Variants in PPP1R12A observed in about 807,000 individuals in gnomAD.
The protein encoded by PPP1R12A is myosin binding subunit.
Under a neutral mutation model 139.6 loss-of-function variants are expected in PPP1R12A, and 19 were observed. The ratio of observed to expected loss-of-function variants is 0.14; its 90% CI spans 0.09 to 0.20. The LOEUF is 0.20. PPP1R12A is among the 10% of genes least tolerant of loss of function. The pLI, the probability that PPP1R12A is intolerant of heterozygous loss-of-function variation, is 1.00. For synonymous variants in PPP1R12A, 427 were observed against 420.6 expected (o/e 1.02, Z -0.19); for missense variants, 925 against 1,211.5 (o/e 0.76, Z 3.51).
chr12:79,890,893 ACCCACACCCACC>A (rs1444003781), intron 1 of PPP1R12A, among the ~76,000 whole-genome samples: 1,218 of 99,148 alleles, frequency 0.012, 24 homozygotes, highest in African/African-American at 0.045. Context: ...CACACCACCC[ACCCACACCCACC>A]CACACACACA....
At chr12:79,870,689 C>T (rs1882479253) in intron 2 of PPP1R12A, among the ~76,000 whole-genome samples, 1 of 152,162 alleles carries the variant, frequency 6.6e-6, no homozygotes, top group Non-Finnish European at 1.5e-5. Context: ...TTTGTTTGCA[C>T]AAGTCCTGTA....
At chr12:79,820,343 A>G (rs1373939468) in intron 8 of PPP1R12A, among the ~76,000 whole-genome samples, 1 of 152,116 alleles carries the variant, frequency 6.6e-6, no homozygotes, top group Non-Finnish European at 1.5e-5. Flanking sequence ...AAACAAAGCA[A>G]ATTCCCCCAC....
At position 79,774,921 on chromosome 12, in the gene PPP1R12A, T is replaced by G. The variant is rs1869574293; in HGVS notation, c.*1008A>C. ...AAAGCACTTTACAGTAGGAAACTTT[T>G]GTAAAGATAGGGCTCCACATAATGT... On this transcript the variant is annotated 3_prime_UTR_variant, in exon 25 of 25. Coordinates refer to ENST00000450142, the MANE Select transcript of PPP1R12A (RefSeq NM_002480.3). 6.8e-6 allele frequency: 1 copy of G among 147,244 alleles called. No homozygotes were observed. The highest frequency in any genetic ancestry group is 2.7e-5 in the African/African-American group (1 of 36,608). The allele number at this position is 147,244 out of a possible 1,614,324, so 9.1% of individuals were successfully genotyped here.
intron 1 of PPP1R12A, among the ~76,000 whole-genome samples, chr12:79,888,169 AGAGT>A (rs1367754732): frequency 6.6e-6 from 1 of 152,182 alleles, no homozygotes; most frequent in Admixed American, 6.5e-5. Context: ...CACACAGCTT[AGAGT>A]CCAGCACAAG....
chr12:79,862,520 C>A (rs544944794), intron 2 of PPP1R12A, among the ~76,000 whole-genome samples: 5 of 152,038 alleles, frequency 3.3e-5, no homozygotes, highest in Non-Finnish European at 7.4e-5. Context: ...CAAACTTCTC[C>A]GAGCTAAAAG....
At chr12:79,800,759 A>G (rs1032930391) in intron 14 of PPP1R12A, among the ~76,000 whole-genome samples, 11 of 137,554 alleles carry the variant, frequency 8.0e-5, no homozygotes, top group African/African-American at 2.8e-4. Flanking sequence ...TTTGAAACGG[A>G]GTCTCGCTCT....
At chr12:79,917,504 A>G (rs1215122780) in intron 1 of PPP1R12A, among the ~76,000 whole-genome samples, 2 of 133,540 alleles carry the variant, frequency 1.5e-5, no homozygotes, top group African/African-American at 5.3e-5. Flanking sequence ...AAAAAAAAAA[A>G]AGAGTTTAAT....
At chr12:79,932,605 TTC>T (rs1025320077) in intron 1 of PPP1R12A, among the ~76,000 whole-genome samples, 9 of 152,152 alleles carry the variant, frequency 5.9e-5, no homozygotes, top group East Asian at 1.9e-4. Flanking sequence ...ATTTAGAAAC[TTC>T]TGTTTGTCAA....
chr12:79,926,398 C>A (rs1184861745), intron 1 of PPP1R12A, among the ~76,000 whole-genome samples: 1 of 152,064 alleles, frequency 6.6e-6, no homozygotes, highest in Non-Finnish European at 1.5e-5. Context: ...GCCATGTTGG[C>A]CAGGTTGATC....
intron 9 of PPP1R12A, among the ~76,000 whole-genome samples, chr12:79,811,393 ATATTT>A (rs1874514264): frequency 1.3e-5 from 2 of 152,182 alleles, no homozygotes; most frequent in African/African-American, 4.8e-5. Context: ...GCTCTGTAGA[ATATTT>A]TAAAGTTTTG....
chr12:79,868,373 G>C (rs11114264), intron 2 of PPP1R12A, among the ~76,000 whole-genome samples: 5,624 of 152,168 alleles, frequency 0.037, 347 homozygotes, highest in African/African-American at 0.13. Flanking sequence ...TAATTTTTAA[G>C]GAAGAGTATG....
intron 2 of PPP1R12A, among the ~76,000 whole-genome samples, chr12:79,870,889 A>C (rs555763193): frequency 2.1e-4 from 32 of 152,364 alleles, no homozygotes; most frequent in Non-Finnish European, 4.1e-4. Flanking sequence ...GGCCAAAAGA[A>C]GTCCCATTAT....
chr12:79,839,237 G>C (rs1282043429), intron 3 of PPP1R12A, among the ~76,000 whole-genome samples: 7 of 152,142 alleles, frequency 4.6e-5, no homozygotes, highest in African/African-American at 1.7e-4. Flanking sequence ...CTCCCATCTG[G>C]AACAGGTATA....
At chr12:79,820,954 A>C in intron 7 of PPP1R12A, 23 bp from the exon 8 acceptor site, 1 of 1,610,598 alleles carries the variant, frequency 6.2e-7, no homozygotes, top group South Asian at 1.1e-5. Context: ...AACAGTGTTC[A>C]AATGATTAGA....
intron 9 of PPP1R12A, among the ~76,000 whole-genome samples, chr12:79,815,342 T>C (rs913877132): frequency 3.9e-5 from 6 of 152,034 alleles, no homozygotes; most frequent in African/African-American, 1.4e-4. Flanking sequence ...TACCCTAACA[T>C]GGTGAAAACC....
chr12:79,782,332 C>A (rs1234553895), intron 22 of PPP1R12A: 3 of 225,788 alleles, frequency 1.3e-5, no homozygotes, highest in Non-Finnish European at 2.7e-5. Context: ...TCTTCTCCCA[C>A]AGCTATCTTG....
rs1877534397 is a variant in PPP1R12A, at chr12:79,832,326, A to G, written c.647+6T>C. The G allele has an allele frequency of 6.3e-7, 1 of 1,592,028 alleles. No individual in the cohort carries two copies. Among genetic ancestry groups the G allele is most frequent in the African/African-American group, 1.4e-5 (1 of 73,498 alleles). On this transcript the variant is annotated splice_donor_region_variant and intron_variant, in intron 4 of 24. Transcript: ENST00000450142. ...ATAGAAAAACTCTGTAAAAAACAAT[A>G]CTTACTTTAAAACTTCCGTATAGCC...
intron 14 of PPP1R12A, among the ~76,000 whole-genome samples, chr12:79,804,692 A>G (rs909156750): frequency 1.3e-5 from 2 of 152,100 alleles, no homozygotes; most frequent in Non-Finnish European, 2.9e-5. Flanking sequence ...GCAAGAATAA[A>G]ATATAAAAAT....
chr12:79,873,532 G>A (rs1882788210), intron 1 of PPP1R12A, among the ~76,000 whole-genome samples: 1 of 150,734 alleles, frequency 6.6e-6, no homozygotes, highest in Non-Finnish European at 1.5e-5. Context: ...TAAGCACAGT[G>A]GCTCATGCTT....
Sources: allele counts gnomAD v4.1 joint callset (sites outside exome capture counted in the v4.1 genomes callset), GRCh38; gene constraint gnomAD v4.1.1; transcripts MANE v1.5; gene names NCBI Gene and HGNC (gene_info 2026-07-23, HGNC 2026-07-21).